The following GRIA1 variants were observed in gnomAD, a reference collection of about 807,000 sequenced individuals.
GRIA1 encodes the protein glutamate ionotropic receptor AMPA type subunit 1.
A neutral mutation model predicts 99.2 loss-of-function variants in GRIA1; 31 were observed. That is an observed-to-expected ratio of 0.31 (90% CI 0.23 to 0.42). GRIA1 has a LOEUF of 0.42. Ranked by LOEUF, GRIA1 falls within the 10% of genes least tolerant of loss-of-function variation. GRIA1 has a pLI of 1.00. For synonymous variants in GRIA1, 438 were observed against 432.4 expected (o/e 1.01, Z -0.16); for missense variants, 782 against 1,157.5 (o/e 0.68, Z 4.71).
intron 2 of GRIA1, 43 bp from the exon 3 acceptor site, chr5:153,646,885 T>A: frequency 6.2e-7 from 1 of 1,604,750 alleles, no homozygotes; most frequent in Non-Finnish European, 8.5e-7. Context: ...ATCTGACCAC[T>A]TTTTGCAGTC....
At chr5:153,741,447 T>C (rs940038032) in intron 11 of GRIA1, among the ~76,000 whole-genome samples, 2 of 152,216 alleles carry the variant, frequency 1.3e-5, no homozygotes, top group African/African-American at 4.8e-5. Context: ...GAATATATAT[T>C]AGCACTCTCA....
chr5:153,704,667 C>T (rs1364433930), intron 10 of GRIA1, among the ~76,000 whole-genome samples: 1 of 152,150 alleles, frequency 6.6e-6, no homozygotes. Context: ...CCCATGGTTC[C>T]CTCCTCCTGG....
chr5:153,812,557 C>T lies in GRIA1; in HGVS notation c.*1332C>T, dbSNP rs1766887849. On this transcript the variant is annotated 3_prime_UTR_variant, in exon 16 of 16. Coordinates refer to ENST00000285900, the MANE Select transcript of GRIA1 (RefSeq NM_000827.4). ...GGGAGATGGATTAAGTTGATAATGA[C>T]ATTTAGGGCAACTTAAGACCTTTGA... 1.3e-5 allele frequency: 2 copies of T among 152,152 alleles called. No individual in the cohort carries two copies. Among genetic ancestry groups the T allele is most frequent in the South Asian group, 4.1e-4 (2 of 4,820 alleles). The allele number at this position is 152,152 out of a possible 1,614,324, so 9.4% of individuals were successfully genotyped here. A position where few individuals can be genotyped will look rare whatever the true frequency, so the allele number is the denominator to read the frequency against.
intron 11 of GRIA1, among the ~76,000 whole-genome samples, chr5:153,744,353 C>G (rs1439357215): frequency 1.3e-5 from 2 of 152,102 alleles, no homozygotes; most frequent in African/African-American, 4.8e-5. Flanking sequence ...CAAATGCTTT[C>G]CTGAGTAAAG....
chr5:153,803,156 G>A (rs370290508), intron 15 of GRIA1, among the ~76,000 whole-genome samples: 17 of 152,186 alleles, frequency 1.1e-4, no homozygotes, highest in African/African-American at 4.1e-4. Flanking sequence ...GGTGATAGAG[G>A]ATAAATGTTA....
intron 11 of GRIA1, among the ~76,000 whole-genome samples, chr5:153,724,055 A>G (rs1442580396): frequency 3.9e-5 from 6 of 152,192 alleles, no homozygotes; most frequent in African/African-American, 7.2e-5. Flanking sequence ...AAACTTCCAG[A>G]GGAACGATCA....
intron 2 of GRIA1, among the ~76,000 whole-genome samples, chr5:153,583,147 C>A (rs183198766): frequency 2.7e-5 from 4 of 150,804 alleles, no homozygotes; most frequent in African/African-American, 9.7e-5. Context: ...TGCCCAGACT[C>A]ATTTTGAACT....
chr5:153,756,362 G>A (rs1762827276), intron 11 of GRIA1, among the ~76,000 whole-genome samples: 1 of 152,048 alleles, frequency 6.6e-6, no homozygotes, highest in African/African-American at 2.4e-5. Flanking sequence ...ACCAGCATCT[G>A]TGCCACAGTG....
intron 11 of GRIA1, 71 bp from the exon 12 acceptor site, chr5:153,764,362 TG>T (rs2149608197): frequency 8.6e-7 from 1 of 1,168,140 alleles, no homozygotes; most frequent in East Asian, 2.3e-5. Flanking sequence ...CCCGGACCCG[TG>T]CTCAGTCCCT....
chr5:153,507,710 T>C (rs886117417), intron 2 of GRIA1, among the ~76,000 whole-genome samples: 1 of 152,214 alleles, frequency 6.6e-6, no homozygotes, highest in African/African-American at 2.4e-5. Flanking sequence ...CGGATCAATT[T>C]ATTGAAGACT....
intron 2 of GRIA1, among the ~76,000 whole-genome samples, chr5:153,573,935 G>A (rs1273938442): frequency 6.6e-6 from 1 of 152,140 alleles, no homozygotes; most frequent in Non-Finnish European, 1.5e-5. Flanking sequence ...GGTGATTAGG[G>A]GAAGAAGAAG....
intron 2 of GRIA1, among the ~76,000 whole-genome samples, chr5:153,615,098 C>T (rs932207675): frequency 2.0e-4 from 31 of 152,116 alleles, no homozygotes; most frequent in African/African-American, 7.5e-4. Context: ...ATAAAAACTC[C>T]AATAATGAGC....
intron 11 of GRIA1, among the ~76,000 whole-genome samples, chr5:153,763,206 C>T (rs1182069877): frequency 6.6e-6 from 1 of 152,122 alleles, no homozygotes; most frequent in Non-Finnish European, 1.5e-5. Context: ...AGTGAAGTGT[C>T]AAGGGATGTA....
chr5:153,743,435 G>T (rs1027388018), intron 11 of GRIA1, among the ~76,000 whole-genome samples: 4 of 152,090 alleles, frequency 2.6e-5, no homozygotes, highest in African/African-American at 9.7e-5. Context: ...GGAGCTTGGG[G>T]GTTCTCTTCC....
intron 5 of GRIA1, among the ~76,000 whole-genome samples, chr5:153,669,492 C>A (rs1300313423): frequency 1.3e-5 from 2 of 152,150 alleles, no homozygotes; most frequent in Non-Finnish European, 2.9e-5. Context: ...AAAGCTTCAA[C>A]AAATGCAACA....
chr5:153,785,249 A>C (rs1311543673), intron 13 of GRIA1, among the ~76,000 whole-genome samples: 1 of 152,140 alleles, frequency 6.6e-6, no homozygotes, highest in Non-Finnish European at 1.5e-5. Flanking sequence ...ACTGACCCTT[A>C]ATCCAGTGCA....
At chr5:153,711,160 A>T (rs555128114) in intron 11 of GRIA1, among the ~76,000 whole-genome samples, 35 of 152,128 alleles carry the variant, frequency 2.3e-4, no homozygotes, top group Non-Finnish European at 4.4e-4. Context: ...TTTAAATTTG[A>T]TGTTTTATTT....
At chr5:153,657,816 T>C (rs1755063695) in intron 5 of GRIA1, among the ~76,000 whole-genome samples, 1 of 152,232 alleles carries the variant, frequency 6.6e-6, no homozygotes, top group African/African-American at 2.4e-5. Flanking sequence ...CAGCTGTTAA[T>C]GGCTAAATAT....
chr5:153,658,502 A>C (rs186699588), intron 5 of GRIA1, among the ~76,000 whole-genome samples: 8 of 152,342 alleles, frequency 5.3e-5, no homozygotes, highest in African/African-American at 1.9e-4. Context: ...CCAAATAAAA[A>C]AGACTTGCAT....
Sources: gnomAD v4.1 joint callset for allele counts (sites outside exome capture counted in the v4.1 genomes callset) on GRCh38, gnomAD v4.1.1 for gene constraint, MANE v1.5 for transcripts, NCBI Gene and HGNC (gene_info 2026-07-23, HGNC 2026-07-21) for gene names.